The following FSTL5 variants were observed in gnomAD, a reference collection of about 807,000 sequenced individuals.
The protein encoded by FSTL5 is follistatin like 5.
FSTL5 carries 62 observed loss-of-function variants against 89.1 expected under a neutral mutation model. The observed-to-expected ratio is 0.70, with a 90% CI of 0.57 to 0.86. The LOEUF is 0.86. FSTL5 is among the 40% of genes least tolerant of loss of function. FSTL5 has a pLI of 0.00. For missense variants in FSTL5, 1,057 were observed against 1,001.6 expected, an observed-to-expected ratio of 1.06 and a Z score of -0.75; for synonymous variants, 383 against 346.2, an observed-to-expected ratio of 1.11 and a Z score of -1.18.
intron 12 of FSTL5, among the ~76,000 whole-genome samples, chr4:161,491,113 T>TA (rs1729859719): frequency 6.6e-6 from 1 of 151,838 alleles, no homozygotes; most frequent in Non-Finnish European, 1.5e-5. Context: ...TCTTTTTTAC[T>TA]AAAAATTTAA....
At chr4:162,115,304 ATCT>A (rs768057492) in intron 1 of FSTL5, among the ~76,000 whole-genome samples, 13 of 152,232 alleles carry the variant, frequency 8.5e-5, no homozygotes, top group Non-Finnish European at 1.2e-4. Context: ...AATCATGATC[ATCT>A]TCTTATTTCT....
intron 6 of FSTL5, among the ~76,000 whole-genome samples, chr4:161,680,469 C>A (rs1209872185): frequency 6.6e-6 from 1 of 151,884 alleles, no homozygotes; most frequent in African/African-American, 2.4e-5. Context: ...AAGGGTTATC[C>A]CAAAGCACTT....
chr4:161,535,921 A>G (rs1262860952), intron 10 of FSTL5, among the ~76,000 whole-genome samples: 2 of 152,148 alleles, frequency 1.3e-5, no homozygotes, highest in Admixed American at 1.3e-4. Flanking sequence ...GAAGAATGAA[A>G]TCATAGTCTT....
intron 6 of FSTL5, among the ~76,000 whole-genome samples, chr4:161,661,324 T>A (rs551135362): frequency 6.6e-6 from 1 of 152,280 alleles, no homozygotes; most frequent in Non-Finnish European, 1.5e-5. Flanking sequence ...CATAATCTTA[T>A]TATCCTCATC....
chr4:162,013,767 T>C (rs564894514), intron 3 of FSTL5, among the ~76,000 whole-genome samples: 2 of 152,072 alleles, frequency 1.3e-5, no homozygotes, highest in East Asian at 1.9e-4. Context: ...TTTGAGGCTG[T>C]CAACAGCCTA....
intron 4 of FSTL5, among the ~76,000 whole-genome samples, chr4:161,858,779 T>C (rs1287407192): frequency 1.3e-5 from 2 of 152,198 alleles, no homozygotes; most frequent in Non-Finnish European, 2.9e-5. Context: ...TCTCTTTCCT[T>C]GGCATTCCAT....
chr4:162,005,789 T>A (rs888134053), intron 3 of FSTL5, among the ~76,000 whole-genome samples: 4 of 152,120 alleles, frequency 2.6e-5, no homozygotes, highest in African/African-American at 9.7e-5. Flanking sequence ...GGATAAGCAC[T>A]CTTTGCAACT....
intron 13 of FSTL5, among the ~76,000 whole-genome samples, chr4:161,480,101 A>G (rs746144162): frequency 5.3e-5 from 8 of 152,170 alleles, no homozygotes; most frequent in African/African-American, 1.7e-4. Context: ...ATATTGACTG[A>G]AAACATTCTC....
chr4:162,030,166 C>T (rs991611996), intron 3 of FSTL5, among the ~76,000 whole-genome samples: 6 of 152,040 alleles, frequency 3.9e-5, no homozygotes, highest in Non-Finnish European at 8.8e-5. Context: ...GTGATCCAAC[C>T]ACCTTGGTCT....
intron 3 of FSTL5, among the ~76,000 whole-genome samples, chr4:161,949,677 T>C (rs1452798877): frequency 6.6e-6 from 1 of 151,912 alleles, no homozygotes; most frequent in Non-Finnish European, 1.5e-5. Flanking sequence ...TTTTTCTATA[T>C]GTTTGTTTGC....
At chr4:161,852,238 G>A (rs1229161997) in intron 4 of FSTL5, among the ~76,000 whole-genome samples, 1 of 151,818 alleles carries the variant, frequency 6.6e-6, no homozygotes, top group Non-Finnish European at 1.5e-5. Context: ...GAAAATGACT[G>A]CCAACTATTA....
intron 7 of FSTL5, among the ~76,000 whole-genome samples, chr4:161,633,588 G>A (rs182338801): frequency 0.02 from 3,112 of 151,928 alleles, 82 homozygotes; most frequent in South Asian, 0.13. Context: ...CTCGTGATCC[G>A]CCTGCCTCGG....
At chr4:162,052,756 G>C (rs111676824) in intron 2 of FSTL5, among the ~76,000 whole-genome samples, 3 of 151,876 alleles carry the variant, frequency 2.0e-5, no homozygotes, top group African/African-American at 7.2e-5. Context: ...TGAATTAACA[G>C]CATAAAAGCA....
chr4:161,756,261 A>T (rs192166524), intron 6 of FSTL5, among the ~76,000 whole-genome samples: 1 of 152,192 alleles, frequency 6.6e-6, no homozygotes, highest in Admixed American at 6.5e-5. Context: ...TAAAAAGAAA[A>T]AATTATCTCA....
chr4:161,826,276 G>C (rs1203990576), intron 4 of FSTL5, among the ~76,000 whole-genome samples: 3 of 151,944 alleles, frequency 2.0e-5, no homozygotes, highest in African/African-American at 4.8e-5. Flanking sequence ...AATTTTTTGA[G>C]GCTTATTTTG....
At chr4:161,430,727 G>A (rs1238227808) in intron 15 of FSTL5, among the ~76,000 whole-genome samples, 6 of 152,184 alleles carry the variant, frequency 3.9e-5, no homozygotes, top group East Asian at 1.9e-4. Context: ...GCGACAGAGC[G>A]CGACTCCGTC....
chr4:161,427,834 T>C (rs1330265529), intron 15 of FSTL5, among the ~76,000 whole-genome samples: 4 of 152,192 alleles, frequency 2.6e-5, no homozygotes, highest in Admixed American at 2.0e-4. Context: ...GATGGTTGAA[T>C]AGAAGCCTTC....
intron 6 of FSTL5, among the ~76,000 whole-genome samples, chr4:161,678,720 G>A (rs1416850830): frequency 1.3e-5 from 2 of 151,692 alleles, no homozygotes; most frequent in African/African-American, 4.8e-5. Flanking sequence ...ATAAATGTAA[G>A]GCAATACACA....
At chr4:161,852,004 T>C (rs1484069911) in intron 4 of FSTL5, among the ~76,000 whole-genome samples, 1 of 152,084 alleles carries the variant, frequency 6.6e-6, no homozygotes, top group Admixed American at 6.6e-5. Flanking sequence ...TGGTTGCTTT[T>C]GTAAGTCATA....
Sources: allele counts gnomAD v4.1 joint callset (sites outside exome capture counted in the v4.1 genomes callset), GRCh38; gene constraint gnomAD v4.1.1; transcripts MANE v1.5; gene names NCBI Gene and HGNC (gene_info 2026-07-23, HGNC 2026-07-21).